KHDRBS2: variants seen among roughly 807,000 people sequenced by gnomAD.
KHDRBS2 encodes the protein KH RNA binding domain containing, signal transduction associated 2.
Under a neutral mutation model 44.3 loss-of-function variants are expected in KHDRBS2, and 26 were observed. The observed-to-expected ratio is 0.59, with a 90% confidence interval of 0.43 to 0.81. The LOEUF (loss-of-function observed/expected upper bound fraction) is 0.81. Among genes scored for constraint, KHDRBS2 ranks in the 40% least tolerant of loss-of-function variants. The pLI, the probability that KHDRBS2 is intolerant of heterozygous loss-of-function variation, is 0.00. For synonymous variants in KHDRBS2, 194 were observed against 151.1 expected (o/e 1.28, Z -2.08); for missense variants, 476 against 433.1 (o/e 1.10, Z -0.88).
chr6:62,246,105 TATA>T (rs1563129118), intron 1 of KHDRBS2, among the ~76,000 whole-genome samples: 13 of 27,368 alleles, frequency 4.8e-4, no homozygotes, highest in African/African-American at 1.3e-3. Flanking sequence ...ATCAATTTTA[TATA>T]TATATATATA....
chr6:61,773,319 T>C (rs1299738549), intron 6 of KHDRBS2, among the ~76,000 whole-genome samples: 1 of 152,144 alleles, frequency 6.6e-6, no homozygotes, highest in Non-Finnish European at 1.5e-5. Context: ...CCTGACTTTT[T>C]AATGATCGCC....
intron 4 of KHDRBS2, among the ~76,000 whole-genome samples, chr6:61,929,373 T>A (rs959187701): frequency 6.6e-6 from 1 of 152,212 alleles, no homozygotes; most frequent in Non-Finnish European, 1.5e-5. Context: ...AAATTAAAAG[T>A]GAACATCAGT....
intron 2 of KHDRBS2, among the ~76,000 whole-genome samples, chr6:62,110,740 T>C (rs962921452): frequency 3.3e-5 from 5 of 152,040 alleles, no homozygotes; most frequent in African/African-American, 1.2e-4. Flanking sequence ...AGTGAGGGAT[T>C]ACAAAGCAAT....
the KHDRBS2 span, among the ~76,000 whole-genome samples, chr6:61,577,800 T>C: frequency 6.6e-6 from 1 of 152,274 alleles, no homozygotes; most frequent in South Asian, 2.1e-4. Flanking sequence ...GCAGCTAAAA[T>C]ACTACAGTCA....
intron 6 of KHDRBS2, among the ~76,000 whole-genome samples, chr6:61,839,186 A>G (rs770779875): frequency 2.0e-5 from 3 of 152,074 alleles, no homozygotes; most frequent in Non-Finnish European, 4.4e-5. Flanking sequence ...ATCTTAAATA[A>G]TTGTTCATCT....
At chr6:61,770,816 A>C (rs1342243971) in intron 6 of KHDRBS2, among the ~76,000 whole-genome samples, 1 of 152,158 alleles carries the variant, frequency 6.6e-6, no homozygotes, top group Non-Finnish European at 1.5e-5. Context: ...CCAACATTCA[A>C]ATTCAGGAAA....
chr6:62,207,327 A>T (rs1289276889), intron 1 of KHDRBS2, among the ~76,000 whole-genome samples: 1 of 152,156 alleles, frequency 6.6e-6, no homozygotes, highest in African/African-American at 2.4e-5. Flanking sequence ...ATACTTCAGT[A>T]TGTATTATCA....
In KHDRBS2 at chr6:61,855,194, A is replaced by G. The variant is rs184098434; in HGVS notation, c.810+39441T>C. On this transcript the variant is annotated intron_variant, in intron 6 of 8. Transcript: ENST00000281156. ...AGGAGACATGCCATATCCTTTGTAA[A>G]TAAAGATTAATTCTGTAAGTAGCTC... Among the ~76,000 whole-genome samples, 8 of 152,196 alleles carry G rather than the reference A, an allele frequency of 5.3e-5. No homozygotes were observed. In the East Asian group the frequency reaches 1.5e-3, roughly 29 times the overall value.
the KHDRBS2 span, among the ~76,000 whole-genome samples, chr6:61,671,885 T>C: frequency 6.6e-6 from 1 of 151,876 alleles, no homozygotes. Context: ...TTAGGGTACA[T>C]GTGCACAATG....
chr6:61,743,772 C>CT (rs1371711403), intron 6 of KHDRBS2, among the ~76,000 whole-genome samples: 3 of 94,264 alleles, frequency 3.2e-5, no homozygotes, highest in African/African-American at 1.8e-4. Context: ...TTAATGCTAT[C>CT]CCCCCCCTCC....
intron 3 of KHDRBS2, among the ~76,000 whole-genome samples, chr6:61,989,969 T>G (rs1304875343): frequency 6.6e-6 from 1 of 152,182 alleles, no homozygotes; most frequent in East Asian, 1.9e-4. Flanking sequence ...GTTCAACCCT[T>G]GCATGGGCTA....
chr6:62,072,332 A>T (rs1336535571), intron 2 of KHDRBS2, among the ~76,000 whole-genome samples: 1 of 152,056 alleles, frequency 6.6e-6, no homozygotes, highest in East Asian at 1.9e-4. Flanking sequence ...ATATCCTTTT[A>T]TTTCCTTCTC....
At chr6:61,916,154 G>C (rs1050377754) in intron 4 of KHDRBS2, among the ~76,000 whole-genome samples, 7 of 152,118 alleles carry the variant, frequency 4.6e-5, no homozygotes, top group South Asian at 2.1e-4. Flanking sequence ...AATTCAGTTT[G>C]AGAGATTTTC....
chr6:62,182,961 C>A (rs9346228), intron 1 of KHDRBS2, among the ~76,000 whole-genome samples: 92,026 of 151,560 alleles, frequency 0.61, 28,136 homozygotes, highest in Non-Finnish European at 0.62. Flanking sequence ...AAGTTACTTT[C>A]TTAACCCATG....
At chr6:62,050,952 C>G (rs575380688) in intron 2 of KHDRBS2, among the ~76,000 whole-genome samples, 63 of 152,144 alleles carry the variant, frequency 4.1e-4, no homozygotes, top group African/African-American at 1.4e-3. Flanking sequence ...AAACTAGCCA[C>G]TGATTGACAC....
At chr6:62,126,576 G>T (rs1809019297) in intron 2 of KHDRBS2, among the ~76,000 whole-genome samples, 1 of 152,166 alleles carries the variant, frequency 6.6e-6, no homozygotes, top group South Asian at 2.1e-4. Flanking sequence ...AGTCCCAGTG[G>T]TGATGGCCAC....
intron 3 of KHDRBS2, among the ~76,000 whole-genome samples, chr6:61,991,992 A>G (rs1331379756): frequency 6.6e-6 from 1 of 152,206 alleles, no homozygotes. Flanking sequence ...AGGCAAACGG[A>G]CTGAGAAGTA....
intron 1 of KHDRBS2, among the ~76,000 whole-genome samples, chr6:62,243,327 G>A (rs1029785166): frequency 1.3e-5 from 2 of 149,204 alleles, no homozygotes; most frequent in African/African-American, 2.4e-5. Context: ...GATAGTGACT[G>A]ACATGGTGCA....
At chr6:62,029,082 C>T (rs553416598) in intron 3 of KHDRBS2, among the ~76,000 whole-genome samples, 1 of 151,904 alleles carries the variant, frequency 6.6e-6, no homozygotes, top group African/African-American at 2.4e-5. Flanking sequence ...GAAAAGTTAA[C>T]TGTAGTTATG....
Sources: allele counts gnomAD v4.1 joint callset (sites outside exome capture counted in the v4.1 genomes callset), GRCh38; gene constraint gnomAD v4.1.1; transcripts MANE v1.5; gene names NCBI Gene and HGNC (gene_info 2026-07-23, HGNC 2026-07-21).